Variants in CERS3 observed in about 807,000 individuals in gnomAD.
CERS3 encodes LAG1 homolog, ceramide synthase 3.
Under a neutral mutation model 50.3 loss-of-function variants are expected in CERS3, and 33 were observed. The ratio of observed to expected loss-of-function variants is 0.66; its 90% CI spans 0.50 to 0.88. CERS3 has a LOEUF of 0.88. Among genes scored for constraint, CERS3 ranks in the 40% least tolerant of loss-of-function variants. The pLI, the probability that CERS3 is intolerant of heterozygous loss-of-function variation, is 0.00. For synonymous variants in CERS3, 176 were observed against 155.2 expected (o/e 1.13, Z -0.99); for missense variants, 470 against 460.3 (o/e 1.02, Z -0.19).
At chr15:100,435,438 G>T (rs1471854053) in intron 11 of CERS3, among the ~76,000 whole-genome samples, 1 of 152,096 alleles carries the variant, frequency 6.6e-6, no homozygotes, top group Non-Finnish European at 1.5e-5. Flanking sequence ...AACAGAAACT[G>T]GACCCCTTCC....
intron 11 of CERS3, among the ~76,000 whole-genome samples, chr15:100,417,556 G>C (rs1487160223): frequency 6.6e-6 from 1 of 152,086 alleles, no homozygotes; most frequent in South Asian, 2.1e-4. Flanking sequence ...CAGCCTGGAA[G>C]CTCGAACTGG....
chr15:100,500,973 T>C (rs1053467455), intron 3 of CERS3, among the ~76,000 whole-genome samples: 2 of 152,238 alleles, frequency 1.3e-5, no homozygotes, highest in African/African-American at 4.8e-5. Flanking sequence ...AATGTGCTAA[T>C]AACAGCTTTT....
chr15:100,421,281 C>T (rs1473742241), intron 11 of CERS3, among the ~76,000 whole-genome samples: 13 of 149,222 alleles, frequency 8.7e-5, no homozygotes, highest in Admixed American at 1.3e-4. Context: ...CATTCTTATA[C>T]ACCAATAACA....
chr15:100,527,262 A>C (rs1225273867), intron 1 of CERS3, among the ~76,000 whole-genome samples: 1 of 152,232 alleles, frequency 6.6e-6, no homozygotes, highest in Non-Finnish European at 1.5e-5. Context: ...ATGCCACTGC[A>C]CTGCAGCCTC....
chr15:100,477,795 A>G (rs1341962406), intron 7 of CERS3, among the ~76,000 whole-genome samples: 2 of 152,236 alleles, frequency 1.3e-5, no homozygotes, highest in Non-Finnish European at 1.5e-5. Flanking sequence ...AGTCATGGTA[A>G]GCACTGTAAT....
intron 5 of CERS3, among the ~76,000 whole-genome samples, chr15:100,483,995 C>A (rs1449604201): frequency 6.6e-6 from 1 of 151,546 alleles, no homozygotes; most frequent in Non-Finnish European, 1.5e-5. Context: ...GTCTTGATCT[C>A]CTGACCACCT....
chr15:100,405,233 T>TAA (rs752244347), intron 11 of CERS3, among the ~76,000 whole-genome samples: 913 of 34,794 alleles, frequency 0.026, 11 homozygotes, highest in African/African-American at 0.052. Context: ...AACTCAATGG[T>TAA]AAAAAAAAAA....
chr15:100,534,290 G>C (rs1019160596), intron 1 of CERS3, among the ~76,000 whole-genome samples: 2 of 152,088 alleles, frequency 1.3e-5, no homozygotes, highest in African/African-American at 4.8e-5. Flanking sequence ...TGTGACTCCA[G>C]ACAAGTCACT....
chr15:100,416,785 T>C (rs1324822492), intron 11 of CERS3, among the ~76,000 whole-genome samples: 2 of 152,118 alleles, frequency 1.3e-5, no homozygotes, highest in African/African-American at 4.8e-5. Context: ...GGCATTACAA[T>C]TTGAGATGAG....
chr15:100,522,418 T>C (rs1567681259), intron 1 of CERS3, among the ~76,000 whole-genome samples: 1 of 152,238 alleles, frequency 6.6e-6, no homozygotes, highest in Non-Finnish European at 1.5e-5. Context: ...ATATAATTAT[T>C]GAAGTATAAC....
chr15:100,450,748 A>G (rs2034131695), intron 11 of CERS3, among the ~76,000 whole-genome samples: 2 of 152,352 alleles, frequency 1.3e-5, no homozygotes, highest in South Asian at 4.1e-4. Flanking sequence ...TCTTTACTGC[A>G]TATTATAGTC....
intron 10 of CERS3, among the ~76,000 whole-genome samples, chr15:100,458,230 C>T (rs1282075579): frequency 6.6e-6 from 1 of 152,058 alleles, no homozygotes. Context: ...TTAACATTTC[C>T]CCTATGTCTG....
intron 11 of CERS3, among the ~76,000 whole-genome samples, chr15:100,448,757 AC>A (rs1567624525): frequency 6.6e-6 from 1 of 152,204 alleles, no homozygotes; most frequent in Non-Finnish European, 1.5e-5. Flanking sequence ...GTAACTATTG[AC>A]AGTGGCCCTG....
chr15:100,429,249 CT>C (rs1226243584), intron 11 of CERS3, among the ~76,000 whole-genome samples: 1 of 152,136 alleles, frequency 6.6e-6, no homozygotes, highest in Non-Finnish European at 1.5e-5. Context: ...TAGCAGTGCT[CT>C]CTGCCACTGT....
At chr15:100,539,199 C>A (rs115740790) in intron 1 of CERS3, among the ~76,000 whole-genome samples, 5,440 of 152,250 alleles carry the variant, frequency 0.036, 144 homozygotes, top group South Asian at 0.11. Context: ...TTTATTAAAG[C>A]CATTCAACAA....
chr15:100,454,387 C>CAAAAAAAAAA (rs59536958), intron 11 of CERS3, among the ~76,000 whole-genome samples: 16 of 111,452 alleles, frequency 1.4e-4, no homozygotes, highest in East Asian at 5.8e-4. Context: ...AAGGCATTGT[C>CAAAAAAAAAA]AAAAAAAAAA....
At chr15:100,506,169 A>G (rs75454633) in intron 2 of CERS3, among the ~76,000 whole-genome samples, 1 of 152,348 alleles carries the variant, frequency 6.6e-6, no homozygotes, top group South Asian at 2.1e-4. Flanking sequence ...CACAGAATGG[A>G]AAAAAATACT....
chr15:100,427,420 C>T (rs941232334), intron 11 of CERS3, among the ~76,000 whole-genome samples: 6 of 152,098 alleles, frequency 3.9e-5, no homozygotes, highest in African/African-American at 7.2e-5. Flanking sequence ...CATCTATTGG[C>T]CCATAGATGA....
intron 11 of CERS3, among the ~76,000 whole-genome samples, chr15:100,410,744 C>A (rs1284309738): frequency 6.6e-6 from 1 of 152,208 alleles, no homozygotes; most frequent in Non-Finnish European, 1.5e-5. Flanking sequence ...ATTACCAAGA[C>A]AACAGCCCTG....
Sources: allele counts gnomAD v4.1 joint callset (sites outside exome capture counted in the v4.1 genomes callset), GRCh38; gene constraint gnomAD v4.1.1; transcripts MANE v1.5; gene names NCBI Gene and HGNC (gene_info 2026-07-23, HGNC 2026-07-21).